Variants in AGXT2 observed in about 807,000 individuals in gnomAD.
AGXT2 encodes the protein alanine--glyoxylate aminotransferase 2, mitochondrial.
Under a neutral mutation model 62.5 loss-of-function variants are expected in AGXT2, and 61 were observed. That is an observed-to-expected ratio of 0.98 (90% CI 0.79 to 1.21). The LOEUF is 1.21. Among genes scored for constraint, AGXT2 ranks in the 50% most tolerant of loss-of-function variants. AGXT2 has a pLI of 0.00. For missense variants in AGXT2, 666 were observed against 641.5 expected (o/e 1.04, Z -0.41); for synonymous variants, 243 against 218.7 (o/e 1.11, Z -0.98).
rs1415122142 is a variant in AGXT2 at position 35,015,848 on chromosome 5, T to TTA, written c.964-1730_964-1729insTA. Among the ~76,000 whole-genome samples the TTA allele has an allele frequency of 4.5e-4, 18 of 39,864 alleles. No homozygotes were observed. In the Admixed American group the frequency reaches 7.5e-3, roughly 17 times the overall value. The allele number at this position is 39,864 out of a possible 152,430, so 26.2% of individuals were successfully genotyped here. A position where few individuals can be genotyped will look rare whatever the true frequency, so the allele number is the denominator to read the frequency against. On this transcript the variant is annotated intron_variant, in intron 9 of 13. Coordinates refer to ENST00000231420, the MANE Select transcript of AGXT2 (RefSeq NM_031900.4). ...CTGGGCAACAGAGTGAGACTCCATC[T>TTA]CAAAAAAAAAAAAAAAAAAAAAAAA...
chr5:35,042,736 C>CTG (rs66463119), intron 1 of AGXT2, among the ~76,000 whole-genome samples: 14,352 of 142,360 alleles, frequency 0.1, 711 homozygotes, highest in African/African-American at 0.13. Context: ...ATATGCATAC[C>CTG]TGTGTGTGTG....
At chr5:35,019,618 A>G (rs1766989353) in intron 9 of AGXT2, among the ~76,000 whole-genome samples, 1 of 152,198 alleles carries the variant, frequency 6.6e-6, no homozygotes, top group South Asian at 2.1e-4. Flanking sequence ...CACAAGAGAA[A>G]GCAGGAAAGA....
chr5:35,004,261 T>G (rs1356983830), intron 12 of AGXT2, among the ~76,000 whole-genome samples: 3 of 152,166 alleles, frequency 2.0e-5, no homozygotes, highest in Non-Finnish European at 4.4e-5. Flanking sequence ...AAGGGCTCAT[T>G]TCAAAGGCCA....
intron 9 of AGXT2, among the ~76,000 whole-genome samples, chr5:35,018,729 ACT>A (rs1215782008): frequency 7.6e-5 from 11 of 145,460 alleles, no homozygotes; most frequent in Middle Eastern, 6.9e-3. Context: ...AACAATATTA[ACT>A]TTAAATGTAA....
Position 34,998,433 on chromosome 5 carries a change from T to G in AGXT2, c.*286A>C, listed in dbSNP as rs1029277343. Reference sequence around the variant, plus strand: ...CAAAAATACATCACATATTCATGCATAAACCAATCACTGCAAAGGGGAATC... The same window carrying G: ...CAAAAATACATCACATATTCATGCAGAAACCAATCACTGCAAAGGGGAATC... On this transcript the variant is annotated 3_prime_UTR_variant, in exon 14 of 14. Transcript: ENST00000231420. The G allele has an allele frequency of 2.1e-6, 1 of 471,368 alleles. No homozygotes were observed. 29.2% of individuals were successfully genotyped at this position (471,368 alleles called of 1,614,324 possible). A position where few individuals can be genotyped will look rare whatever the true frequency, so the allele number is the denominator to read the frequency against.
At chr5:35,000,350 C>T (rs1021962578) in intron 13 of AGXT2, among the ~76,000 whole-genome samples, 8 of 152,062 alleles carry the variant, frequency 5.3e-5, no homozygotes, top group Admixed American at 5.2e-4. Flanking sequence ...GCAGCTTTTT[C>T]CTTCTCCTGC....
At chr5:35,006,456 G>A (rs1300656318) in intron 12 of AGXT2, among the ~76,000 whole-genome samples, 1 of 152,192 alleles carries the variant, frequency 6.6e-6, no homozygotes, top group Admixed American at 6.5e-5. Flanking sequence ...AATCATGGCA[G>A]AAGGCAAAGG....
intron 12 of AGXT2, among the ~76,000 whole-genome samples, chr5:35,006,797 T>C (rs930110618): frequency 1.1e-4 from 16 of 152,230 alleles, no homozygotes; most frequent in African/African-American, 3.9e-4. Context: ...TCCTGGGTGA[T>C]GCTGGACAGC....
At chr5:35,022,566 A>C (rs186881890) in intron 9 of AGXT2, among the ~76,000 whole-genome samples, 25 of 105,236 alleles carry the variant, frequency 2.4e-4, no homozygotes, top group African/African-American at 9.0e-4. Flanking sequence ...CAGTCTAGGG[A>C]CTGTTGTGGG....
At chr5:35,003,338 G>A (rs2112165229) in intron 13 of AGXT2, among the ~76,000 whole-genome samples, 1 of 152,322 alleles carries the variant, frequency 6.6e-6, no homozygotes, top group African/African-American at 2.4e-5. Context: ...GCTTAGCAGG[G>A]TCACCAAGTC....
At position 35,030,621 on chromosome 5, in the gene AGXT2, C is replaced by T. The variant is rs558826171; in HGVS notation, c.769+2111G>A. Among the ~76,000 whole-genome samples, 69 of 152,296 alleles carry T rather than the reference C, an allele frequency of 4.5e-4. No individual in the cohort carries two copies. The South Asian group carries it at 5.8e-3, about 13-fold the overall frequency. The stretch of plus-strand genomic sequence containing the variant: ...ACTATCATTTAGCCTCTAGATGCCA[C>T]TAGAGAGATGACCATGGATTTCTGG... On this transcript the variant is annotated intron_variant, in intron 7 of 13. Transcript: ENST00000231420.
At chr5:34,998,893 A>C in intron 13 of AGXT2, 67 bp from the exon 14 acceptor site, 1 of 1,215,674 alleles carries the variant, frequency 8.2e-7, no homozygotes, top group Non-Finnish European at 1.2e-6. Context: ...GAGGAAATGC[A>C]CTAAACTAAA....
chr5:35,013,746 G>A lies in AGXT2; in HGVS notation c.1096+241C>T, dbSNP rs552065048. On this transcript the variant is annotated intron_variant, in intron 10 of 13. Coordinates refer to ENST00000231420, the MANE Select transcript of AGXT2 (RefSeq NM_031900.4). ...TGCAATGAGCCAAGATTGTGCCACT[G>A]CACTCAAGCCTGGGTGACAGAGCAA... Among the ~76,000 whole-genome samples the A allele has an allele frequency of 6.9e-5, 10 of 145,592 alleles. No homozygotes were observed. In the East Asian group the frequency reaches 2.1e-3, roughly 30 times the overall value.
chr5:35,008,937 G>A (rs1046269640), intron 12 of AGXT2, among the ~76,000 whole-genome samples: 7 of 152,158 alleles, frequency 4.6e-5, no homozygotes, highest in African/African-American at 1.7e-4. Context: ...ATTTCCTACA[G>A]GCATTTACTA....
At chr5:35,024,672 TA>T (rs1374687289) in intron 9 of AGXT2, among the ~76,000 whole-genome samples, 7 of 152,134 alleles carry the variant, frequency 4.6e-5, no homozygotes, top group Non-Finnish European at 5.9e-5. Flanking sequence ...ATTATTATTT[TA>T]AAAACATTAT....
chr5:35,047,849 A>G lies in AGXT2; in HGVS notation c.44T>C (p.Val15Ala), dbSNP rs1297197844. The G allele has an allele frequency of 1.9e-6, 3 of 1,614,094 alleles. No homozygotes were observed. Among genetic ancestry groups the G allele is most frequent in the Admixed American group, 1.7e-5 (1 of 60,008 alleles). Residue 15 changes from valine to alanine, a missense_variant, in exon 1 of 14, where the codon GTC becomes GCC. Transcript: ENST00000231420. ...CTCAAGGATCCTGGGAGCGGAAGTG[A>G]CCAGGCACAAGGGTCTCAGCAAATG... is the stretch of plus-strand genomic sequence containing the variant. ...WRHLLRPLCL[V>A]TSAPRILEMH... is the part of the protein sequence containing the mutation.
intron 9 of AGXT2, among the ~76,000 whole-genome samples, chr5:35,014,833 A>G (rs1242978215): frequency 1.3e-5 from 2 of 152,154 alleles, no homozygotes; most frequent in African/African-American, 4.8e-5. Flanking sequence ...CTGCCCCAGG[A>G]TAGATGAAGA....
Position 35,046,718 on chromosome 5 carries a change from G to A in AGXT2, c.88+1087C>T, listed in dbSNP as rs35275390. On this transcript the variant is annotated intron_variant, in intron 1 of 13. Transcript: ENST00000231420. ...GAAGAGGAGAGGAAGGAAGGAGGGTGAAAGGGAAATATGAGGAGAAAATGA... is the reference window on the plus strand; with the variant it reads ...GAAGAGGAGAGGAAGGAAGGAGGGTAAAAGGGAAATATGAGGAGAAAATGA... Among the ~76,000 whole-genome samples the A allele has an allele frequency of 6.0e-3, 921 of 152,310 alleles. 4 individuals are homozygous for A. Among genetic ancestry groups the A allele is most frequent in the Non-Finnish European group, 0.01 (697 of 68,038 alleles).
chr5:35,032,662 TG>T (rs1270835769), intron 7 of AGXT2, 69 bp downstream of exon 7: 1 of 1,314,040 alleles, frequency 7.6e-7, no homozygotes, highest in African/African-American at 1.5e-5. Flanking sequence ...CCCTCAGGGA[TG>T]GGTCTGCCTT....
Sources: gnomAD v4.1 joint callset for allele counts (sites outside exome capture counted in the v4.1 genomes callset) on GRCh38, gnomAD v4.1.1 for gene constraint, MANE v1.5 for transcripts, NCBI Gene and HGNC (gene_info 2026-07-23, HGNC 2026-07-21) for gene names.